The following DOCK2 variants were observed in gnomAD, a reference collection of about 807,000 sequenced individuals.
DOCK2 encodes dedicator of cytokinesis protein 2.
Under a neutral mutation model 248.9 loss-of-function variants are expected in DOCK2, and 87 were observed. The ratio of observed to expected loss-of-function variants is 0.35; its 90% confidence interval spans 0.29 to 0.42. The LOEUF (loss-of-function observed/expected upper bound fraction) is 0.42. Ranked by LOEUF, DOCK2 falls within the 10% of genes least tolerant of loss-of-function variation. The pLI is 1.00. For synonymous variants in DOCK2, 805 were observed against 821.6 expected (o/e 0.98, Z 0.35); for missense variants, 1,747 against 2,300.2 (o/e 0.76, Z 4.92).
intron 1 of DOCK2, among the ~76,000 whole-genome samples, chr5:169,653,793 G>A (rs1304503600): frequency 6.6e-6 from 1 of 152,242 alleles, no homozygotes; most frequent in South Asian, 2.1e-4. Flanking sequence ...GGCCCTGGCT[G>A]TCTAATTCTA....
At chr5:170,058,799 A>T (rs1305371810) in intron 44 of DOCK2, among the ~76,000 whole-genome samples, 2 of 152,216 alleles carry the variant, frequency 1.3e-5, no homozygotes, top group African/African-American at 4.8e-5. Flanking sequence ...ATCAGACGAT[A>T]GCATTGAGAC....
chr5:169,916,483 G>T (rs1774880769), intron 27 of DOCK2, among the ~76,000 whole-genome samples: 1 of 152,220 alleles, frequency 6.6e-6, no homozygotes, highest in Admixed American at 6.5e-5. Flanking sequence ...TGATGAAGGG[G>T]ATGGACGCTA....
At chr5:169,772,114 G>T (rs1308030711) in intron 25 of DOCK2, among the ~76,000 whole-genome samples, 3 of 152,128 alleles carry the variant, frequency 2.0e-5, no homozygotes, top group African/African-American at 4.8e-5. Context: ...CTGAGGACAG[G>T]GTTGCTGTAG....
At chr5:169,950,168 T>G (rs1463944479) in intron 27 of DOCK2, among the ~76,000 whole-genome samples, 1 of 152,044 alleles carries the variant, frequency 6.6e-6, no homozygotes, top group Non-Finnish European at 1.5e-5. Context: ...GGAGCCATCG[T>G]GGAAGGTGGT....
chr5:169,868,799 ATG>A (rs1381530095), intron 27 of DOCK2, among the ~76,000 whole-genome samples: 1 of 152,174 alleles, frequency 6.6e-6, no homozygotes, highest in Non-Finnish European at 1.5e-5. Flanking sequence ...TGATTCTAGA[ATG>A]TGTATGGAAC....
At chr5:169,835,262 T>G (rs1348469033) in intron 26 of DOCK2, among the ~76,000 whole-genome samples, 1 of 144,502 alleles carries the variant, frequency 6.9e-6, no homozygotes, top group Admixed American at 6.8e-5. Context: ...AATGCCTGGT[T>G]TTTTTTTTTT....
At chr5:169,973,941 A>G (rs1008970474) in intron 27 of DOCK2, among the ~76,000 whole-genome samples, 1 of 152,196 alleles carries the variant, frequency 6.6e-6, no homozygotes, top group African/African-American at 2.4e-5. Flanking sequence ...CTATATAGGC[A>G]CAAGAGATGT....
At chr5:169,973,241 G>T (rs112981245) in intron 27 of DOCK2, among the ~76,000 whole-genome samples, 78 of 152,268 alleles carry the variant, frequency 5.1e-4, no homozygotes, top group African/African-American at 1.7e-3. Context: ...GGAGAAAAAT[G>T]GAAGAAACTA....
chr5:169,927,087 TGAAGAGTGG>T (rs1775498761), intron 27 of DOCK2, among the ~76,000 whole-genome samples: 1 of 152,112 alleles, frequency 6.6e-6, no homozygotes. Flanking sequence ...ATATGCTACA[TGAAGAGTGG>T]GAAGAGCAAA....
chr5:170,069,300 C>G, intron 46 of DOCK2, 80 bp downstream of exon 46: 2 of 1,444,172 alleles, frequency 1.4e-6, no homozygotes, highest in African/African-American at 1.4e-5. Flanking sequence ...ACGCTAGGCT[C>G]TAGCTGAGGC....
In DOCK2 at chr5:169,711,537, T is replaced by A. The variant is rs144861185; in HGVS notation, c.1483-398T>A. 7.4e-4 allele frequency among the ~76,000 whole-genome samples: 112 copies of A among 152,338 alleles called. 2 individuals are homozygous for A. In the East Asian group the frequency reaches 0.018, roughly 24 times the overall value. On this transcript the variant is annotated intron_variant, in intron 15 of 51. Coordinates refer to ENST00000520908, the MANE Select transcript of DOCK2 (RefSeq NM_004946.3). Reference sequence around the variant, plus strand: ...CTCAAGCAAACCCCCTAACAACCATTGTTAATTTGCTAAGCCCTGCTGCAA... The same window carrying A: ...CTCAAGCAAACCCCCTAACAACCATAGTTAATTTGCTAAGCCCTGCTGCAA...
At chr5:169,914,670 A>G (rs1441015450) in intron 27 of DOCK2, among the ~76,000 whole-genome samples, 1 of 152,230 alleles carries the variant, frequency 6.6e-6, no homozygotes, top group Non-Finnish European at 1.5e-5. Flanking sequence ...GCATCTTAGT[A>G]GTAACCTGGG....
intron 26 of DOCK2, among the ~76,000 whole-genome samples, chr5:169,806,122 A>G (rs261615): frequency 0.01 from 1,515 of 149,492 alleles, 28 homozygotes; most frequent in African/African-American, 0.035. Flanking sequence ...AGCTAAACTG[A>G]AAATGAGAGG....
At chr5:169,798,704 T>C (rs1766799092) in intron 25 of DOCK2, among the ~76,000 whole-genome samples, 1 of 152,196 alleles carries the variant, frequency 6.6e-6, no homozygotes, top group Admixed American at 6.5e-5. Context: ...TGCTGGGTAG[T>C]TAACCCTTGG....
rs764108527 is a variant in DOCK2, at chr5:169,695,890, G to A, written c.931G>A (p.Gly311Ser). The A allele has an allele frequency of 1.2e-6, 2 of 1,613,664 alleles. No individual in the cohort carries two copies. Among genetic ancestry groups the A allele is most frequent in the Non-Finnish European group, 1.7e-6 (2 of 1,179,850 alleles). The change falls in exon 10 of 52, where the codon GGT becomes AGT. Residue 311 changes from glycine (G) to serine (S), a missense_variant. Physicochemically the swap from Gly to Ser is moderately conservative, Grantham distance 56 (BLOSUM62 0). This residue lies in a region of DOCK2 where 375 missense variants were observed against 510.9 expected (regional missense o/e 0.73). Transcript: ENST00000520908. The part of the protein sequence containing the change: ...RVGKMDLKDT[G>S]AKKCTQGLRR... ...CGGCAAGATGGATCTTAAGGATACT[G>A]GTGCAAAGAAGTGCACGCAGGGACT...
At chr5:169,960,407 A>G (rs1777036693) in intron 27 of DOCK2, among the ~76,000 whole-genome samples, 1 of 152,210 alleles carries the variant, frequency 6.6e-6, no homozygotes, top group African/African-American at 2.4e-5. Flanking sequence ...GCCATTGATA[A>G]TATTAATATG....
rs1038662660 is a variant in DOCK2 at position 169,819,836 on chromosome 5, G to C, written c.2703+16630G>C. Among the ~76,000 whole-genome samples, 5 of 152,344 alleles carry C rather than the reference G, an allele frequency of 3.3e-5. No individual in the cohort carries two copies. The East Asian group carries it at 9.7e-4, about 29-fold the overall frequency. On this transcript the variant is annotated intron_variant, in intron 26 of 51. Coordinates refer to ENST00000520908, the MANE Select transcript of DOCK2 (RefSeq NM_004946.3). ...GCGGGGTGAGGCATCACCTCATCCA[G>C]GAAACGCAAGGGGTCAGGGAATTCC...
chr5:169,954,962 A>G (rs1474543795), intron 27 of DOCK2, among the ~76,000 whole-genome samples: 1 of 152,238 alleles, frequency 6.6e-6, no homozygotes, highest in African/African-American at 2.4e-5. Context: ...TTAGGAATCA[A>G]TCGCAGACTG....
chr5:169,866,466 T>C (rs562260793), intron 27 of DOCK2, among the ~76,000 whole-genome samples: 14 of 152,342 alleles, frequency 9.2e-5, no homozygotes, highest in African/African-American at 3.1e-4. Flanking sequence ...TTAAATGCCA[T>C]GTGCATATAC....
Sources: allele counts gnomAD v4.1 joint callset (sites outside exome capture counted in the v4.1 genomes callset), GRCh38; gene constraint gnomAD v4.1.1; regional missense constraint gnomAD v4.1.1; transcripts MANE v1.5; gene names NCBI Gene and HGNC (gene_info 2026-07-23, HGNC 2026-07-21).